ZNF26: variants seen among roughly 807,000 people sequenced by gnomAD.
ZNF26 encodes the protein epididymis luminal protein 179.
Under a neutral mutation model 54.9 loss-of-function variants are expected in ZNF26, and 32 were observed. That is an observed-to-expected ratio of 0.58 (90% CI 0.44 to 0.78). ZNF26 has a LOEUF of 0.78. Among genes scored for constraint, ZNF26 ranks in the 30% least tolerant of loss-of-function variants. ZNF26 has a pLI of 0.00. For missense variants in ZNF26, 524 were observed against 634.0 expected, an observed-to-expected ratio of 0.83 and a Z score of 1.86; for synonymous variants, 221 against 209.2, an observed-to-expected ratio of 1.06 and a Z score of -0.49.
rs957851025 is a variant in ZNF26 at position 133,010,573 on chromosome 12, T to C, written c.694T>C (p.Cys232Arg). The change falls in exon 4 of 4, where the codon TGT (cysteine) becomes CGT (arginine). Residue 232 changes from cysteine (C) to arginine (R), a missense_variant. Cys to Arg is a radical substitution (Grantham distance 180). Coordinates refer to ENST00000328654, the MANE Select transcript of ZNF26 (RefSeq NM_019591.4). ...RVHTGEKPYS[C>R]SECEKVFSFR... Reference sequence around the variant, plus strand: ...TCATACAGGAGAAAAACCCTACTCATGTAGTGAGTGCGAGAAGGTCTTCTC... The same window carrying C: ...TCATACAGGAGAAAAACCCTACTCACGTAGTGAGTGCGAGAAGGTCTTCTC... The C allele has an allele frequency of 4.3e-6, 7 of 1,614,166 alleles. No homozygotes were observed. The highest frequency in any genetic ancestry group is 1.3e-5 in the African/African-American group (1 of 75,040).
intron 1 of ZNF26, among the ~76,000 whole-genome samples, chr12:132,995,522 A>C (rs1953059691): frequency 6.6e-6 from 1 of 151,740 alleles, no homozygotes; most frequent in Non-Finnish European, 1.5e-5. Context: ...CATCATCTGG[A>C]TCATCTGTGC....
intron 3 of ZNF26, 130 bp from the exon 4 acceptor site, chr12:133,010,006 T>C: frequency 1.0e-6 from 1 of 967,192 alleles, no homozygotes; most frequent in East Asian, 2.8e-5. Flanking sequence ...CCAGTATTTC[T>C]TTTGAACCAG....
intron 1 of ZNF26, among the ~76,000 whole-genome samples, chr12:133,003,476 G>A (rs1222284226): frequency 3.3e-5 from 5 of 151,904 alleles, no homozygotes; most frequent in African/African-American, 7.3e-5. Flanking sequence ...GGATGGTCTC[G>A]ATCTCGTGAC....
chr12:133,000,957 A>G (rs973970807), intron 1 of ZNF26, among the ~76,000 whole-genome samples: 4 of 152,152 alleles, frequency 2.6e-5, no homozygotes, highest in Admixed American at 6.6e-5. Context: ...TCTACCTGCT[A>G]TCTGCTGTGC....
rs1216801001 is a variant in ZNF26 at position 133,014,233 on chromosome 12, G to T, written c.*2752G>T. The T allele has an allele frequency of 6.6e-6, 1 of 152,318 alleles. No homozygotes were observed. The allele number at this position is 152,318 out of a possible 1,614,324, so 9.4% of individuals were successfully genotyped here. On this transcript the variant is annotated 3_prime_UTR_variant, in exon 4 of 4. Transcript: ENST00000328654. The stretch of plus-strand genomic sequence containing the variant: ...TCAGCATGACAACACCCAGGGCAAC[G>T]TGACAAAACCCTGTCTACAAAAGTT...
chr12:133,007,345 A>T, intron 2 of ZNF26, 92 bp from the exon 3 acceptor site: 1 of 1,321,856 alleles, frequency 7.6e-7, no homozygotes. Context: ...TCTTTCCCCA[A>T]GTGAGATGAG....
chr12:132,987,795 A>G, intron 1 of ZNF26: 1 of 912,914 alleles, frequency 1.1e-6, no homozygotes, highest in Non-Finnish European at 1.3e-6. Context: ...ATGAAAGGAA[A>G]GGACACACGG....
rs1953667060 is a variant in ZNF26, at chr12:133,023,473, C to T, written c.*11992C>T. 1 of 152,010 alleles carries T rather than the reference C, an allele frequency of 6.6e-6. No individual in the cohort carries two copies. The highest frequency in any genetic ancestry group is 2.1e-4 in the South Asian group (1 of 4,816). The allele number at this position is 152,010 out of a possible 1,614,324, so 9.4% of individuals were successfully genotyped here. A position where few individuals can be genotyped will look rare whatever the true frequency, so the allele number is the denominator to read the frequency against. On this transcript the variant is annotated 3_prime_UTR_variant, in exon 4 of 4. Coordinates refer to ENST00000328654, the MANE Select transcript of ZNF26 (RefSeq NM_019591.4). ...CCTTTACACCAAATCAGGATAGAGACAGTAGAAGAAAAAATAAATACAGGT... is the reference window on the plus strand; with the variant it reads ...CCTTTACACCAAATCAGGATAGAGATAGTAGAAGAAAAAATAAATACAGGT...
chr12:132,993,637 G>A (rs1204804049), intron 1 of ZNF26, among the ~76,000 whole-genome samples: 1 of 151,636 alleles, frequency 6.6e-6, no homozygotes, highest in African/African-American at 2.4e-5. Context: ...TGTATTTTTA[G>A]TAGAGACGGG....
chr12:133,008,058 G>A (rs10781670), intron 3 of ZNF26, among the ~76,000 whole-genome samples: 4 of 151,736 alleles, frequency 2.6e-5, no homozygotes, highest in African/African-American at 9.7e-5. Flanking sequence ...TCTCCTCTCC[G>A]AATGTTGTAA....
At chr12:132,994,873 A>G (rs1953042069) in intron 1 of ZNF26, among the ~76,000 whole-genome samples, 1 of 152,140 alleles carries the variant, frequency 6.6e-6, no homozygotes, top group Admixed American at 6.5e-5. Context: ...CGTCCTGTGC[A>G]TCGTGGGTTG....
chr12:132,997,591 GC>G (rs1370618009), intron 1 of ZNF26, among the ~76,000 whole-genome samples: 2 of 152,214 alleles, frequency 1.3e-5, no homozygotes, highest in African/African-American at 2.4e-5. Context: ...TAGGTAGGGT[GC>G]CTGATATTGC....
At chr12:132,994,704 G>A (rs1953037760) in intron 1 of ZNF26, among the ~76,000 whole-genome samples, 1 of 152,116 alleles carries the variant, frequency 6.6e-6, no homozygotes, top group Non-Finnish European at 1.5e-5. Flanking sequence ...TGTTTAGGTT[G>A]TTTTCAGTTA....
Position 133,010,584 on chromosome 12 carries a change from C to T in ZNF26, c.705C>T (p.Cys235=), listed in dbSNP as rs1432190955. The T allele has an allele frequency of 2.4e-5, 38 of 1,614,008 alleles. No homozygotes were observed. In the Admixed American group the frequency reaches 4.3e-4, roughly 18 times the overall value. ...TGEKPYSCSE[C]EKVFSFRSQL... is the part of the protein sequence containing the mutation. The stretch of plus-strand genomic sequence containing the variant: ...AAAAACCCTACTCATGTAGTGAGTG[C>T]GAGAAGGTCTTCTCTTTCAGGTCAC... The change falls in exon 4 of 4, where the codon TGC becomes TGT. Residue 235 remains cysteine, a synonymous_variant. Transcript: ENST00000328654.
intron 1 of ZNF26, among the ~76,000 whole-genome samples, chr12:132,992,647 A>G (rs1436498100): frequency 6.6e-6 from 1 of 152,192 alleles, no homozygotes; most frequent in Non-Finnish European, 1.5e-5. Context: ...GACTTACAAT[A>G]TGTTCAACTT....
chr12:132,994,459 T>C (rs2137220882), intron 1 of ZNF26, among the ~76,000 whole-genome samples: 1 of 152,358 alleles, frequency 6.6e-6, no homozygotes, highest in African/African-American at 2.4e-5. Context: ...TACAGTTGAT[T>C]CTCTTAGAAC....
chr12:133,003,882 T>C (rs1286478541), intron 1 of ZNF26, among the ~76,000 whole-genome samples: 3 of 152,044 alleles, frequency 2.0e-5, no homozygotes, highest in Non-Finnish European at 4.4e-5. Context: ...GAGACCGTCA[T>C]GCTACTTGGG....
rs1953655292 is a variant in ZNF26 at position 133,022,375 on chromosome 12, T to C, written c.*10894T>C. The C allele has an allele frequency of 6.6e-6, 1 of 152,200 alleles. No homozygotes were observed. The highest frequency in any genetic ancestry group is 1.5e-5 in the Non-Finnish European group (1 of 68,028). The allele number at this position is 152,200 out of a possible 1,614,324, so 9.4% of individuals were successfully genotyped here. ...TTTTCAGTGGCATCAAAATACAAAA[T>C]AGATACAAATCTTATGGTGTTGGAA... is the stretch of plus-strand genomic sequence containing the variant. On this transcript the variant is annotated 3_prime_UTR_variant, in exon 4 of 4. Coordinates refer to ENST00000328654, the MANE Select transcript of ZNF26 (RefSeq NM_019591.4).
At position 133,010,902 on chromosome 12, in the gene ZNF26, C is replaced by T; in HGVS notation, c.1023C>T (p.Pro341=). The T allele has an allele frequency of 1.2e-6, 2 of 1,614,040 alleles. No individual in the cohort carries two copies. The highest frequency in any genetic ancestry group is 2.2e-5 in the South Asian group (2 of 91,086). ...VHIRMHTGEK[P]YQCSDCGKAF... ...TCCGAATGCATACAGGAGAAAAACC[C>T]TATCAATGCAGTGATTGTGGGAAAG... Residue 341 remains proline (P), a synonymous_variant, in exon 4 of 4, where the codon CCC becomes CCT. Coordinates refer to ENST00000328654, the MANE Select transcript of ZNF26 (RefSeq NM_019591.4).
Sources: allele counts gnomAD v4.1 joint callset (sites outside exome capture counted in the v4.1 genomes callset), GRCh38; gene constraint gnomAD v4.1.1; transcripts MANE v1.5; gene names NCBI Gene and HGNC (gene_info 2026-07-23, HGNC 2026-07-21).